The following PTPRB variants were observed in gnomAD, a reference collection of about 807,000 sequenced individuals.
The protein encoded by PTPRB is receptor-type tyrosine-protein phosphatase beta.
PTPRB carries 97 observed loss-of-function variants against 238.1 expected under a neutral mutation model. That is an observed-to-expected ratio of 0.41 (90% CI 0.35 to 0.48). The LOEUF (loss-of-function observed/expected upper bound fraction) is 0.48, where lower values mean the gene tolerates loss of function less well. Ranked by LOEUF, PTPRB falls within the 20% of genes least tolerant of loss-of-function variation. The pLI is 0.30. For synonymous variants in PTPRB, 970 were observed against 995.4 expected (o/e 0.97, Z 0.48); for missense variants, 2,292 against 2,681.9 (o/e 0.85, Z 3.21).
intron 3 of PTPRB, chr12:70,609,794 C>G: frequency 6.3e-7 from 1 of 1,588,018 alleles, no homozygotes; most frequent in Non-Finnish European, 8.6e-7. Flanking sequence ...ACAAGGCCAA[C>G]CCGGCTCCAT....
At position 70,560,572 on chromosome 12, in the gene PTPRB, A is replaced by C; in HGVS notation, c.4432+99T>G. On this transcript the variant is annotated intron_variant, in intron 17 of 33. Coordinates refer to ENST00000334414, the MANE Select transcript of PTPRB (RefSeq NM_001109754.4). The surrounding 1 kb of genome is among the most constrained non-coding windows in gnomAD (Gnocchi z 4.2). ...TTCAGGGGCTAGCTCAGGGTATATC[A>C]TTATTGGCTTTATCTCTTGTCATTA... 3 of 1,491,504 alleles carry C rather than the reference A, an allele frequency of 2.0e-6. No homozygotes were observed. Among genetic ancestry groups the C allele is most frequent in the Non-Finnish European group, 2.7e-6 (3 of 1,099,542 alleles). 92.4% of individuals were successfully genotyped at this position (1,491,504 alleles called of 1,614,324 possible).
chr12:70,522,143 C>T (rs1445318695), intron 33 of PTPRB, among the ~76,000 whole-genome samples: 2 of 152,084 alleles, frequency 1.3e-5, no homozygotes, highest in Admixed American at 6.6e-5. Context: ...ACTGGCTAGG[C>T]TGGGTGGTAG....
intron 2 of PTPRB, among the ~76,000 whole-genome samples, chr12:70,633,477 A>C (rs930233290): frequency 6.6e-6 from 1 of 152,136 alleles, no homozygotes; most frequent in African/African-American, 2.4e-5. Flanking sequence ...AAACAAAAAG[A>C]AAAAACCCCA....
Position 70,569,727 on chromosome 12 carries a change from A to G in PTPRB, c.3582T>C (p.Ile1194=). The change falls in exon 14 of 34, where the codon ATT becomes ATC. Residue 1194 remains isoleucine (I), a synonymous_variant. Coordinates refer to ENST00000334414, the MANE Select transcript of PTPRB (RefSeq NM_001109754.4). ...LEAGEQYQIM[I]ASVSGSLKNQ... is the part of the protein sequence containing the mutation. ...TCTTCAGGGACCCGCTGACTGAGGC[A>G]ATCATGATCTGGTACTGCTCCCCGG... 1 of 1,613,910 alleles carries G rather than the reference A, an allele frequency of 6.2e-7. No homozygotes were observed. The highest frequency in any genetic ancestry group is 8.5e-7 in the Non-Finnish European group (1 of 1,179,870).
In PTPRB at chr12:70,590,040, C is replaced by T. The variant is rs1356128692; in HGVS notation, c.1974G>A (p.Pro658=). The part of the protein sequence containing the change: ...QYVMDDTGLV[P]GRQYEVEVIV... ...TGACTTCCACCTCATACTGTCTTCC[C>T]GGTACGAGCCCCGTGTCATCCATGA... is the stretch of plus-strand genomic sequence containing the variant. The change falls in exon 8 of 34, where the codon CCG becomes CCA. Residue 658 remains proline (P), a synonymous_variant. Coordinates refer to ENST00000334414, the MANE Select transcript of PTPRB (RefSeq NM_001109754.4). The T allele has an allele frequency of 1.2e-6, 2 of 1,613,996 alleles. No homozygotes were observed. The highest frequency in any genetic ancestry group is 1.6e-4 in the Middle Eastern group (1 of 6,062).
At chr12:70,535,190 A>G (rs987671563) in intron 29 of PTPRB, among the ~76,000 whole-genome samples, 3 of 130,098 alleles carry the variant, frequency 2.3e-5, no homozygotes, top group African/African-American at 8.7e-5. Flanking sequence ...CTTTGGGTTC[A>G]CTCATTTTTT....
At chr12:70,612,043 T>C (rs1250953523) in intron 3 of PTPRB, among the ~76,000 whole-genome samples, 3 of 152,212 alleles carry the variant, frequency 2.0e-5, no homozygotes, top group Non-Finnish European at 2.9e-5. Context: ...TAGATAACAA[T>C]GTACTTTCCT....
Position 70,548,807 on chromosome 12 carries a change from CTGTT to C in PTPRB, c.5387+3966_5387+3969del, listed in dbSNP as rs561450857. 1.1e-3 allele frequency among the ~76,000 whole-genome samples: 169 copies of C among 152,296 alleles called. 1 individual carries two copies. Among genetic ancestry groups the C allele is most frequent in the African/African-American group, 3.8e-3 (158 of 41,578 alleles). On this transcript the variant is annotated intron_variant, in intron 21 of 33. Transcript: ENST00000334414. ...TATTCACCCTCTGTTTGAAACTGGA[CTGTT>C]TGTTCTTCTCTAAACAATTTGTGTA...
rs909712771 is a variant in PTPRB at position 70,544,758 on chromosome 12, A to G, written c.5388-95T>C. The G allele has an allele frequency of 7.2e-6, 5 of 696,290 alleles. No individual in the cohort carries two copies. In the African/African-American group the frequency reaches 9.2e-5, roughly 13 times the overall value. 43.1% of individuals were successfully genotyped at this position (696,290 alleles called of 1,614,324 possible). ...GGAGAAATAGGGCGGGTTCCTGGTC[A>G]GTGGGTAGCAGGGTAGAATATGAGT... On this transcript the variant is annotated intron_variant, in intron 21 of 33. Transcript: ENST00000334414.
At position 70,602,663 on chromosome 12, in the gene PTPRB, G is replaced by C. The variant is rs566461556; in HGVS notation, c.980-6336C>G. On this transcript the variant is annotated intron_variant, in intron 4 of 33. Transcript: ENST00000334414. The stretch of plus-strand genomic sequence containing the variant: ...GATTGTATCAAAATGATGTGCAGTG[G>C]GGGAGTGGGTGGGGATATAGATGAA... Among the ~76,000 whole-genome samples the C allele has an allele frequency of 6.6e-5, 10 of 152,276 alleles. No individual in the cohort carries two copies. In the East Asian group the frequency reaches 1.9e-3, roughly 29 times the overall value.
chr12:70,587,164 G>C lies in PTPRB; in HGVS notation c.2154C>G (p.Ser718=). The C allele has an allele frequency of 6.2e-7, 1 of 1,613,680 alleles. No homozygotes were observed. The highest frequency in any genetic ancestry group is 8.5e-7 in the Non-Finnish European group (1 of 1,179,682). The change falls in exon 9 of 34, where the codon TCC becomes TCG. Residue 718 remains serine (S), a synonymous_variant. Transcript: ENST00000334414. ...TCAGTAAGAGGTCTCTGTCAGCTAG[G>C]GAAATGATGTATTTCTCCCATTCTG... ...PVAEWEKYII[S]LADRDLLLIH...
At chr12:70,573,948 G>C (rs542863193) in intron 11 of PTPRB, among the ~76,000 whole-genome samples, 1 of 152,230 alleles carries the variant, frequency 6.6e-6, no homozygotes, top group South Asian at 2.1e-4. Flanking sequence ...TCTGTATTTA[G>C]AGCATGATAT....
At position 70,587,209 on chromosome 12, in the gene PTPRB, G is replaced by T. The variant is rs747681481; in HGVS notation, c.2109C>A (p.Ile703=). The part of the protein sequence containing the change: ...VKHANETSLS[I]MWQTPVAEWE... Reference sequence around the variant, plus strand: ...ATTCTGCTACAGGGGTCTGCCACATGATACTCAGTGAGGTTTCATTGGCAT... The same window carrying T: ...ATTCTGCTACAGGGGTCTGCCACATTATACTCAGTGAGGTTTCATTGGCAT... Residue 703 remains isoleucine, a synonymous_variant, in exon 9 of 34, where the codon ATC becomes ATA. Coordinates refer to ENST00000334414, the MANE Select transcript of PTPRB (RefSeq NM_001109754.4). The T allele has an allele frequency of 1.4e-5, 23 of 1,613,728 alleles. No individual in the cohort carries two copies. Among genetic ancestry groups the T allele is most frequent in the Non-Finnish European group, 1.9e-5 (23 of 1,179,708 alleles).
In PTPRB at chr12:70,556,119, G is replaced by C. The variant is rs756418407; in HGVS notation, c.4744C>G (p.Arg1582Gly). Reference sequence around the variant, plus strand: ...GCAATGGCCGTGGAGTTCTGAGGCCGGCAATGCAGGTTTTGTATCTTGTCA... The same window carrying C: ...GCAATGGCCGTGGAGTTCTGAGGCCCGCAATGCAGGTTTTGTATCTTGTCA... ...KPDKIQNLHC[R>G]PQNSTAIACS... Residue 1582 changes from arginine (R) to glycine (G), a missense_variant, in exon 19 of 34, where the codon CGG (arginine) becomes GGG (glycine). Arg to Gly is a moderately radical substitution (Grantham distance 125). Coordinates refer to ENST00000334414, the MANE Select transcript of PTPRB (RefSeq NM_001109754.4). The C allele has an allele frequency of 6.2e-7, 1 of 1,613,638 alleles. No homozygotes were observed. Among genetic ancestry groups the C allele is most frequent in the East Asian group, 2.2e-5 (1 of 44,874 alleles).
intron 4 of PTPRB, among the ~76,000 whole-genome samples, 178 bp from the exon 5 acceptor site, chr12:70,596,505 C>T (rs1394784565): frequency 6.6e-6 from 1 of 151,730 alleles, no homozygotes; most frequent in Non-Finnish European, 1.5e-5. Flanking sequence ...TCCAAACCTA[C>T]CCTTTCACTT....
intron 14 of PTPRB, 77 bp from the exon 15 acceptor site, chr12:70,566,781 G>A: frequency 6.9e-7 from 1 of 1,448,940 alleles, no homozygotes; most frequent in Non-Finnish European, 9.4e-7. Flanking sequence ...AAAAACTCCT[G>A]AATCAACTGC....
chr12:70,556,191 G>C, intron 18 of PTPRB, 43 bp from the exon 19 acceptor site: 1 of 1,490,396 alleles, frequency 6.7e-7, no homozygotes, highest in Non-Finnish European at 9.0e-7. Context: ...AACTCAGGGA[G>C]AATTTTTTTT....
At chr12:70,550,137 G>A (rs1876665001) in intron 21 of PTPRB, among the ~76,000 whole-genome samples, 1 of 152,210 alleles carries the variant, frequency 6.6e-6, no homozygotes, top group Non-Finnish European at 1.5e-5. Context: ...GTGGACATGG[G>A]GCTGATGGAG....
At chr12:70,566,344 C>T in intron 15 of PTPRB, 91 bp downstream of exon 15, 2 of 1,436,682 alleles carry the variant, frequency 1.4e-6, no homozygotes, top group Non-Finnish European at 1.9e-6. Context: ...TATCATCTCC[C>T]AATGTTGCTT....
Sources: allele counts gnomAD v4.1 joint callset (sites outside exome capture counted in the v4.1 genomes callset), GRCh38; gene constraint gnomAD v4.1.1; non-coding constraint Gnocchi (gnomAD v3.1); transcripts MANE v1.5; gene names NCBI Gene and HGNC (gene_info 2026-07-23, HGNC 2026-07-21).